The following MTUS2 variants were observed in gnomAD, a reference collection of about 807,000 sequenced individuals.
The protein encoded by MTUS2 is microtubule associated scaffold protein 2, also known as microtubule-associated tumor suppressor candidate 2.
In MTUS2, 40 loss-of-function variants were observed where a neutral mutation model predicts 114.1. That is an observed-to-expected ratio of 0.35 (90% CI 0.27 to 0.46). MTUS2 has a LOEUF of 0.46. Among genes scored for constraint, MTUS2 ranks in the 20% least tolerant of loss-of-function variants. The pLI is 1.00. For synonymous variants in MTUS2, 688 were observed against 672.0 expected, an observed-to-expected ratio of 1.02 and a Z score of -0.37; for missense variants, 1,679 against 1,705.4, an observed-to-expected ratio of 0.98 and a Z score of 0.27.
At chr13:28,900,167 C>T (rs947245553) in intron 2 of MTUS2, among the ~76,000 whole-genome samples, 1 of 152,232 alleles carries the variant, frequency 6.6e-6, no homozygotes, top group Admixed American at 6.5e-5. Context: ...GAATTACAGG[C>T]GTGAGCCATT....
chr13:28,970,778 A>G (rs1201338434), intron 2 of MTUS2, among the ~76,000 whole-genome samples: 1 of 152,138 alleles, frequency 6.6e-6, no homozygotes, highest in African/African-American at 2.4e-5. Flanking sequence ...GCAAACCTAT[A>G]CAGTGTTCCT....
At chr13:29,407,646 T>C (rs112028544) in intron 8 of MTUS2, among the ~76,000 whole-genome samples, 10 of 151,874 alleles carry the variant, frequency 6.6e-5, no homozygotes, top group African/African-American at 2.2e-4. Flanking sequence ...CCCAGCTAAC[T>C]TTTTGTTTTT....
At chr13:29,226,975 G>A (rs1335168127) in intron 5 of MTUS2, among the ~76,000 whole-genome samples, 1 of 151,924 alleles carries the variant, frequency 6.6e-6, no homozygotes, top group Non-Finnish European at 1.5e-5. Context: ...ATCTGCATAG[G>A]GGCTGGGGGC....
At chr13:29,103,405 A>G (rs1160053277) in intron 5 of MTUS2, among the ~76,000 whole-genome samples, 1 of 152,246 alleles carries the variant, frequency 6.6e-6, no homozygotes, top group African/African-American at 2.4e-5. Flanking sequence ...CAATTATAAC[A>G]CAATAGTGCG....
chr13:29,329,925 T>C (rs141231039), intron 7 of MTUS2, among the ~76,000 whole-genome samples: 161 of 152,320 alleles, frequency 1.1e-3, no homozygotes, highest in African/African-American at 3.2e-3. Flanking sequence ...CATGTGTCTT[T>C]ATAATAGAAT....
chr13:29,244,983 T>TAAAAAAAAAAAAAAAAAAA (rs1156962360), intron 5 of MTUS2, among the ~76,000 whole-genome samples: 1 of 98,576 alleles, frequency 1.0e-5, no homozygotes, highest in African/African-American at 4.0e-5. Context: ...AAAAAAAAAG[T>TAAAAAAAAAAAAAAAAAAA]AAAAGTCTGT....
At chr13:28,985,398 T>A (rs1021573247) in intron 2 of MTUS2, among the ~76,000 whole-genome samples, 2 of 152,206 alleles carry the variant, frequency 1.3e-5, no homozygotes, top group South Asian at 4.1e-4. Context: ...TAGCACAGAG[T>A]TTGGTCTTTA....
chr13:29,449,046 A>C lies in MTUS2; in HGVS notation c.3184+8997A>C, dbSNP rs4517630. Among the ~76,000 whole-genome samples the C allele has an allele frequency of 2.0e-5, 3 of 152,080 alleles. 1 individual carries two copies. The highest frequency in any genetic ancestry group is 4.4e-5 in the Non-Finnish European group (3 of 68,044). On this transcript the variant is annotated intron_variant, in intron 9 of 15. Transcript: ENST00000612955. ...TGGGATTACAGGCATGAGCCACTGT[A>C]CCTGGCCTAAAGCACTCTTTCTAGC...
chr13:28,910,269 A>C (rs114727541), intron 2 of MTUS2, among the ~76,000 whole-genome samples: 3,819 of 152,298 alleles, frequency 0.025, 158 homozygotes, highest in African/African-American at 0.088. Flanking sequence ...CAAATAAGCG[A>C]GAACATGTGA....
chr13:29,397,164 T>G, intron 8 of MTUS2, among the ~76,000 whole-genome samples: 1 of 152,142 alleles, frequency 6.6e-6, no homozygotes, highest in Non-Finnish European at 1.5e-5. Flanking sequence ...CTTGACCTTC[T>G]TAACTCCAGA....
chr13:29,152,919 C>CAG (rs1566035281), intron 5 of MTUS2, among the ~76,000 whole-genome samples: 1 of 152,144 alleles, frequency 6.6e-6, no homozygotes, highest in Non-Finnish European at 1.5e-5. Flanking sequence ...CTGTCTACCA[C>CAG]AGATAGGGAG....
intron 1 of MTUS2, among the ~76,000 whole-genome samples, chr13:28,821,119 C>T (rs1011259293): frequency 3.3e-5 from 5 of 151,840 alleles, no homozygotes; most frequent in African/African-American, 1.2e-4. Context: ...TGGCAGGATA[C>T]CAAAGGCGCC....
chr13:29,371,001 T>C (rs974987858), intron 8 of MTUS2, among the ~76,000 whole-genome samples: 25 of 152,106 alleles, frequency 1.6e-4, no homozygotes, highest in Non-Finnish European at 1.3e-4. Context: ...ACTATTGATA[T>C]TTTAGGCTGA....
chr13:28,909,758 A>T (rs923982957), intron 2 of MTUS2, among the ~76,000 whole-genome samples: 1 of 152,172 alleles, frequency 6.6e-6, no homozygotes, highest in African/African-American at 2.4e-5. Context: ...TGCAGATGTC[A>T]TGATTGTACA....
intron 5 of MTUS2, among the ~76,000 whole-genome samples, chr13:29,186,483 A>G (rs1426736297): frequency 6.6e-6 from 1 of 152,260 alleles, no homozygotes; most frequent in East Asian, 1.9e-4. Flanking sequence ...TAATGTGGTC[A>G]TATTAATGTC....
At chr13:28,931,199 A>T (rs1238815000) in intron 2 of MTUS2, among the ~76,000 whole-genome samples, 1 of 152,210 alleles carries the variant, frequency 6.6e-6, no homozygotes, top group Admixed American at 6.5e-5. Context: ...CGGGTTCTGC[A>T]TCCGTGGATT....
intron 4 of MTUS2, among the ~76,000 whole-genome samples, chr13:29,062,761 G>A (rs780673495): frequency 3.0e-4 from 46 of 152,192 alleles, no homozygotes; most frequent in Non-Finnish European, 5.3e-4. Flanking sequence ...AAAAGAACTG[G>A]ACATGCAAGA....
chr13:29,410,925 G>C (rs1176858170), intron 8 of MTUS2, among the ~76,000 whole-genome samples: 1 of 152,074 alleles, frequency 6.6e-6, no homozygotes, highest in South Asian at 2.1e-4. Flanking sequence ...TCTGCCTCCC[G>C]GGTTCAAGCA....
Position 29,480,143 on chromosome 13 carries a change from C to A in MTUS2, c.3185-7C>A. 1.3e-6 allele frequency: 2 copies of A among 1,551,964 alleles called. No homozygotes were observed. The highest frequency in any genetic ancestry group is 1.7e-6 in the Non-Finnish European group (2 of 1,147,108). On this transcript the variant is annotated splice_polypyrimidine_tract_variant and splice_region_variant and intron_variant, in intron 9 of 15. Transcript: ENST00000612955. This position sits in a 1 kb window ranked among gnomAD's most constrained non-coding sequence, Gnocchi z 4.4. ...TTTTAAAGAAAGATCTTGTGCTTTGCGCCCAGCCTTCCATACAGCAAAGTG... is the reference window on the plus strand; with the variant it reads ...TTTTAAAGAAAGATCTTGTGCTTTGAGCCCAGCCTTCCATACAGCAAAGTG...
Sources: gnomAD v4.1 joint callset for allele counts (sites outside exome capture counted in the v4.1 genomes callset) on GRCh38, gnomAD v4.1.1 for gene constraint, Gnocchi (gnomAD v3.1) non-coding constraint, MANE v1.5 for transcripts, NCBI Gene and HGNC (gene_info 2026-07-23, HGNC 2026-07-21) for gene names.